The following BMPR1B variants were observed in gnomAD, a reference collection of about 807,000 sequenced individuals.
The protein encoded by BMPR1B is bone morphogenetic protein receptor type-1B.
A neutral mutation model predicts 59.1 loss-of-function variants in BMPR1B; 12 were observed. The ratio of observed to expected loss-of-function variants is 0.20; its 90% confidence interval spans 0.13 to 0.33. The LOEUF is 0.33. BMPR1B is among the 10% of genes least tolerant of loss of function. The pLI is 1.00. For synonymous variants in BMPR1B, 237 were observed against 207.3 expected (o/e 1.14, Z -1.23); for missense variants, 550 against 610.9 (o/e 0.90, Z 1.05).
intron 1 of BMPR1B, among the ~76,000 whole-genome samples, chr4:94,795,447 CA>C (rs553713110): frequency 1.2e-3 from 184 of 148,090 alleles, no homozygotes; most frequent in African/African-American, 4.3e-3. Context: ...TTTTTTTTTT[CA>C]AAACTAGTTT....
In BMPR1B at chr4:95,025,288, C is replaced by T. The variant is rs57687765; in HGVS notation, c.-18+29154C>T. On this transcript the variant is annotated intron_variant, in intron 3 of 12. Coordinates refer to ENST00000515059, the MANE Select transcript of BMPR1B (RefSeq NM_001203.3). ...TCACAGTAGTGAGTGTGGTTTTGTT[C>T]GAAATTGGGAGATGTTAGGCAGTGA... is the stretch of plus-strand genomic sequence containing the variant. Among the ~76,000 whole-genome samples the T allele has an allele frequency of 3.3e-3, 509 of 152,108 alleles. 3 individuals carry two copies. Among genetic ancestry groups the T allele is most frequent in the African/African-American group, 0.012 (482 of 41,490 alleles).
chr4:94,814,638 A>T (rs1252102866), intron 1 of BMPR1B, among the ~76,000 whole-genome samples: 1 of 152,212 alleles, frequency 6.6e-6, no homozygotes, highest in East Asian at 1.9e-4. Flanking sequence ...AAATAAGTTA[A>T]TGCATAAAGA....
intron 1 of BMPR1B, among the ~76,000 whole-genome samples, chr4:94,808,038 T>C (rs1578667087): frequency 6.6e-6 from 1 of 152,208 alleles, no homozygotes; most frequent in Admixed American, 6.5e-5. Flanking sequence ...AGTGCAACAT[T>C]GTACTTAAAA....
At chr4:94,783,053 T>C (rs567655102) in intron 1 of BMPR1B, among the ~76,000 whole-genome samples, 9 of 152,346 alleles carry the variant, frequency 5.9e-5, no homozygotes, top group African/African-American at 2.2e-4. Flanking sequence ...ACCTTGGGCA[T>C]GTCCACAGTT....
At position 95,156,905 on chromosome 4, in the gene BMPR1B, A is replaced by T. The variant is rs528642618; in HGVS notation, c.*2232A>T. The T allele has an allele frequency of 2.0e-5, 3 of 152,290 alleles. No individual in the cohort carries two copies. In the East Asian group the frequency reaches 5.8e-4, roughly 29 times the overall value. The allele number at this position is 152,290 out of a possible 1,614,324, so 9.4% of individuals were successfully genotyped here. A position where few individuals can be genotyped will look rare whatever the true frequency, so the allele number is the denominator to read the frequency against. ...ACAGATCATCTACAAAACAACAGGT[A>T]AACATTTATGCCAGTTAAGTGGGTC... On this transcript the variant is annotated 3_prime_UTR_variant, in exon 13 of 13. Transcript: ENST00000515059.
intron 7 of BMPR1B, 89 bp downstream of exon 7, chr4:95,123,995 C>T (rs984865630): frequency 1.2e-6 from 1 of 866,464 alleles, no homozygotes. Context: ...GTGTTTCTCA[C>T]CACAGCTTTA....
chr4:94,984,371 T>C (rs1721274203), intron 2 of BMPR1B, among the ~76,000 whole-genome samples: 1 of 152,226 alleles, frequency 6.6e-6, no homozygotes, highest in South Asian at 2.1e-4. Flanking sequence ...CTTTCATCAG[T>C]GTACTTTGAA....
chr4:95,154,739 A>C lies in BMPR1B; in HGVS notation c.*66A>C, dbSNP rs1324233793. The C allele has an allele frequency of 9.4e-6, 15 of 1,593,812 alleles. No homozygotes were observed. The Middle Eastern group carries it at 9.9e-4, about 106-fold the overall frequency. ...GTACTCTTCTGTTTGTGGGCAGAGC[A>C]AAAGACATCAAATAAGCATCCACAG... On this transcript the variant is annotated 3_prime_UTR_variant, in exon 13 of 13. Coordinates refer to ENST00000515059, the MANE Select transcript of BMPR1B (RefSeq NM_001203.3).
rs964951267 is a variant in BMPR1B, at chr4:94,778,040, G to GTA, written c.-183+19980_-183+19981dup. On this transcript the variant is annotated intron_variant, in intron 1 of 12. Coordinates refer to ENST00000515059, the MANE Select transcript of BMPR1B (RefSeq NM_001203.3). ...AAACTCCATCTCAAAAAAAAAAAGT[G>GTA]TATATATATGTATATATGTTTTTAA... Among the ~76,000 whole-genome samples the GTA allele has an allele frequency of 2.4e-4, 37 of 151,876 alleles. 1 individual carries two copies. The highest frequency in any genetic ancestry group is 7.5e-4 in the African/African-American group (31 of 41,424).
chr4:95,090,112 CT>C (rs1230650474), intron 3 of BMPR1B, among the ~76,000 whole-genome samples: 1 of 151,990 alleles, frequency 6.6e-6, no homozygotes. Flanking sequence ...AGAGAATGTT[CT>C]CATGTACACA....
chr4:94,932,619 T>C (rs1729133919), intron 2 of BMPR1B, among the ~76,000 whole-genome samples: 1 of 152,112 alleles, frequency 6.6e-6, no homozygotes, highest in Non-Finnish European at 1.5e-5. Context: ...AATGAGTTTG[T>C]CAAATACATA....
intron 2 of BMPR1B, among the ~76,000 whole-genome samples, chr4:94,950,788 C>A (rs1729903193): frequency 6.6e-6 from 1 of 151,972 alleles, no homozygotes; most frequent in Non-Finnish European, 1.5e-5. Flanking sequence ...TTTTTGGTTC[C>A]ATATGAAATT....
At chr4:94,924,774 C>A (rs906867707) in intron 2 of BMPR1B, among the ~76,000 whole-genome samples, 2 of 152,102 alleles carry the variant, frequency 1.3e-5, no homozygotes, top group Non-Finnish European at 2.9e-5. Flanking sequence ...TGACACATAT[C>A]ACTGAGGATG....
At chr4:95,105,499 C>G (rs1411319532) in intron 4 of BMPR1B, among the ~76,000 whole-genome samples, 2 of 151,244 alleles carry the variant, frequency 1.3e-5, no homozygotes, top group African/African-American at 2.4e-5. Flanking sequence ...TTTCTGAGAG[C>G]TTTTTAAAAA....
intron 1 of BMPR1B, among the ~76,000 whole-genome samples, chr4:94,824,076 C>T (rs1455605925): frequency 6.6e-6 from 1 of 152,120 alleles, no homozygotes; most frequent in Non-Finnish European, 1.5e-5. Context: ...AGTTTAAAGC[C>T]TTATTTGGTG....
At chr4:94,893,538 T>C (rs1727477188) in intron 2 of BMPR1B, among the ~76,000 whole-genome samples, 1 of 152,012 alleles carries the variant, frequency 6.6e-6, no homozygotes, top group African/African-American at 2.4e-5. Flanking sequence ...ACACACATTT[T>C]AGTACCATGC....
intron 2 of BMPR1B, among the ~76,000 whole-genome samples, chr4:94,949,798 A>G (rs1332026508): frequency 6.6e-6 from 1 of 152,196 alleles, no homozygotes; most frequent in African/African-American, 2.4e-5. Flanking sequence ...TCCTTTGGGT[A>G]TATACTCAGT....
At chr4:95,100,797 A>G (rs1730762814) in intron 3 of BMPR1B, among the ~76,000 whole-genome samples, 2 of 152,170 alleles carry the variant, frequency 1.3e-5, no homozygotes, top group African/African-American at 2.4e-5. Context: ...TTATGCAATT[A>G]TATTTTTAAA....
chr4:94,863,258 A>C (rs1261685611), intron 1 of BMPR1B, among the ~76,000 whole-genome samples: 1 of 152,212 alleles, frequency 6.6e-6, no homozygotes, highest in Non-Finnish European at 1.5e-5. Flanking sequence ...GATGAAATAA[A>C]ACGTACACCA....
Sources: allele counts gnomAD v4.1 joint callset (sites outside exome capture counted in the v4.1 genomes callset), GRCh38; gene constraint gnomAD v4.1.1; transcripts MANE v1.5; gene names NCBI Gene and HGNC (gene_info 2026-07-23, HGNC 2026-07-21).